The following LIMD1 variants were observed in gnomAD, a reference collection of about 807,000 sequenced individuals.
The protein encoded by LIMD1 is LIM domain-containing protein 1.
A neutral mutation model predicts 58.4 loss-of-function variants in LIMD1; 23 were observed. The observed-to-expected ratio is 0.39, with a 90% CI of 0.28 to 0.56. The LOEUF (loss-of-function observed/expected upper bound fraction) is 0.56. Ranked by LOEUF, LIMD1 falls within the 20% of genes least tolerant of loss-of-function variation. The pLI, the probability that LIMD1 is intolerant of heterozygous loss-of-function variation, is 0.57. For synonymous variants in LIMD1, 334 were observed against 345.5 expected (o/e 0.97, Z 0.37); for missense variants, 838 against 855.5 (o/e 0.98, Z 0.25).
In LIMD1 at chr3:45,681,510, C is replaced by T. The variant is rs1234534465; in HGVS notation, c.*4451C>T. 1 of 152,224 alleles carries T rather than the reference C, an allele frequency of 6.6e-6. No individual in the cohort carries two copies. Among genetic ancestry groups the T allele is most frequent in the Non-Finnish European group, 1.5e-5 (1 of 68,058 alleles). The allele number at this position is 152,224 out of a possible 1,614,324, so 9.4% of individuals were successfully genotyped here. On this transcript the variant is annotated 3_prime_UTR_variant, in exon 8 of 8. Transcript: ENST00000273317. ...CAGTTTATTATAGCAATAGCAGTGG[C>T]CAGATTATCAGCATTTACACTGGTT...
At chr3:45,605,991 C>T (rs551622573) in intron 1 of LIMD1, among the ~76,000 whole-genome samples, 2 of 152,230 alleles carry the variant, frequency 1.3e-5, no homozygotes, top group East Asian at 3.9e-4. Context: ...GTTGAAGGAG[C>T]GGAGGGACTT....
At chr3:45,631,435 C>T (rs1171167466) in intron 1 of LIMD1, among the ~76,000 whole-genome samples, 1 of 152,138 alleles carries the variant, frequency 6.6e-6, no homozygotes, top group Non-Finnish European at 1.5e-5. Context: ...CATTTAGCCA[C>T]AAGGATGAAA....
chr3:45,663,948 GCAACCTCCGCCTC>G (rs566117268), intron 2 of LIMD1, among the ~76,000 whole-genome samples: 172 of 146,488 alleles, frequency 1.2e-3, no homozygotes, highest in African/African-American at 3.8e-3. Context: ...TCGGCTCACT[GCAACCTCCGCCTC>G]CTAGGTGCAG....
At chr3:45,597,598 A>G (rs1480160818) in intron 1 of LIMD1, among the ~76,000 whole-genome samples, 1 of 152,200 alleles carries the variant, frequency 6.6e-6, no homozygotes, top group Non-Finnish European at 1.5e-5. Flanking sequence ...AAGACAGCCT[A>G]TTCGCAGAGA....
rs1456767781 is a variant in LIMD1, at chr3:45,670,198, T to C, written c.1641+1842T>C. Among the ~76,000 whole-genome samples, 6 of 152,198 alleles carry C rather than the reference T, an allele frequency of 3.9e-5. No individual in the cohort carries two copies. In the East Asian group the frequency reaches 1.2e-3, roughly 29 times the overall value. On this transcript the variant is annotated intron_variant, in intron 4 of 7. Transcript: ENST00000273317. ...CTTTAGCAGAATTTGCCTTTGTTTT[T>C]AGTGTCCTTCTGACAAACCTACTTC...
At position 45,595,811 on chromosome 3, in the gene LIMD1, T is replaced by C. The variant is rs1254622331; in HGVS notation, c.932T>C (p.Leu311Pro). Reference sequence around the variant, plus strand: ...CTGAGCTGCCCCAGGCAAGGAGGTCTTCCAAGATCAAACTCGGGGCTGGGG... The same window carrying C: ...CTGAGCTGCCCCAGGCAAGGAGGTCCTCCAAGATCAAACTCGGGGCTGGGG... ...LALSCPRQGG[L>P]PRSNSGLGGE... Residue 311 changes from leucine to proline, a missense_variant, in exon 1 of 8, where the codon CTT (leucine) becomes CCT (proline). Leu to Pro is a moderately conservative substitution (Grantham distance 98, BLOSUM62 -3). Transcript: ENST00000273317. The C allele has an allele frequency of 6.2e-7, 1 of 1,614,168 alleles. No individual in the cohort carries two copies. Among genetic ancestry groups the C allele is most frequent in the Admixed American group, 1.7e-5 (1 of 60,032 alleles).
intron 1 of LIMD1, among the ~76,000 whole-genome samples, chr3:45,599,643 A>G (rs919303852): frequency 4.6e-5 from 7 of 152,150 alleles, no homozygotes; most frequent in Non-Finnish European, 8.8e-5. Flanking sequence ...CTGCTGTGCA[A>G]TGTGCCTAGG....
At chr3:45,642,955 C>T (rs369207777) in intron 2 of LIMD1, among the ~76,000 whole-genome samples, 135 of 152,326 alleles carry the variant, frequency 8.9e-4, no homozygotes, top group African/African-American at 3.1e-3. Flanking sequence ...CCACCCCAGG[C>T]GGCCATGCCC....
chr3:45,634,755 T>A (rs962450416), intron 1 of LIMD1, among the ~76,000 whole-genome samples: 1 of 152,214 alleles, frequency 6.6e-6, no homozygotes, highest in Non-Finnish European at 1.5e-5. Context: ...TGAGGCATGT[T>A]AACTCTTTAG....
At chr3:45,664,684 C>T (rs183258963) in intron 2 of LIMD1, among the ~76,000 whole-genome samples, 12 of 152,342 alleles carry the variant, frequency 7.9e-5, no homozygotes, top group African/African-American at 2.6e-4. Flanking sequence ...TCGCTATCTG[C>T]CTTGCGCTGC....
intron 2 of LIMD1, among the ~76,000 whole-genome samples, chr3:45,649,355 G>A (rs115348109): frequency 0.03 from 4,601 of 151,806 alleles, 75 homozygotes; most frequent in Non-Finnish European, 0.041. Flanking sequence ...TTTGTATTCT[G>A]AATTTATCTT....
intron 2 of LIMD1, among the ~76,000 whole-genome samples, chr3:45,655,712 C>T (rs2125665346): frequency 6.6e-6 from 1 of 152,280 alleles, no homozygotes; most frequent in East Asian, 1.9e-4. Context: ...TTGAGAACCA[C>T]CTAAGTTTTT....
intron 2 of LIMD1, among the ~76,000 whole-genome samples, chr3:45,665,096 CG>C (rs1697498954): frequency 6.6e-6 from 1 of 151,982 alleles, no homozygotes; most frequent in Non-Finnish European, 1.5e-5. Flanking sequence ...TTCCCACTCC[CG>C]CCTACTCGTT....
chr3:45,614,409 TAAAAA>T (rs776301383), intron 1 of LIMD1, among the ~76,000 whole-genome samples: 1 of 125,538 alleles, frequency 8.0e-6, no homozygotes, highest in Non-Finnish European at 1.7e-5. Flanking sequence ...CACCTGTAGT[TAAAAA>T]AAAAAAAAAA....
Position 45,668,526 on chromosome 3 carries a change from G to A in LIMD1, c.1641+170G>A, listed in dbSNP as rs188217021. ...AGCACTTTGGGAGGCCGAGGCGGGC[G>A]GATCACGAGGTCAGGAGTTTGAGAC... On this transcript the variant is annotated intron_variant, in intron 4 of 7. Transcript: ENST00000273317. Among the ~76,000 whole-genome samples the A allele has an allele frequency of 6.7e-3, 1,020 of 152,280 alleles. 4 individuals carry two copies. The highest frequency in any genetic ancestry group is 0.011 in the Non-Finnish European group (778 of 68,010).
intron 1 of LIMD1, among the ~76,000 whole-genome samples, chr3:45,610,117 G>A (rs764138603): frequency 2.6e-5 from 4 of 152,178 alleles, no homozygotes; most frequent in Non-Finnish European, 2.9e-5. Context: ...ACTTGAACCC[G>A]GGAGGCGAGT....
chr3:45,671,619 C>T (rs1697586116), intron 4 of LIMD1, among the ~76,000 whole-genome samples: 1 of 152,182 alleles, frequency 6.6e-6, no homozygotes, highest in African/African-American at 2.4e-5. Flanking sequence ...AAAACCCAGA[C>T]TCAGTTCGAG....
chr3:45,636,712 C>G (rs1012280755), intron 2 of LIMD1, among the ~76,000 whole-genome samples: 5 of 152,170 alleles, frequency 3.3e-5, no homozygotes, highest in African/African-American at 1.2e-4. Flanking sequence ...CTAACCTAAT[C>G]TTTGATTTGG....
chr3:45,657,650 T>C (rs1039807483), intron 2 of LIMD1, among the ~76,000 whole-genome samples: 1 of 152,174 alleles, frequency 6.6e-6, no homozygotes, highest in African/African-American at 2.4e-5. Flanking sequence ...CATGGCCTCA[T>C]GGTGCAGTGG....
Sources: allele counts gnomAD v4.1 joint callset (sites outside exome capture counted in the v4.1 genomes callset), GRCh38; gene constraint gnomAD v4.1.1; transcripts MANE v1.5; gene names NCBI Gene and HGNC (gene_info 2026-07-23, HGNC 2026-07-21).